Variants in HSD17B12 observed in about 807,000 individuals in gnomAD.
HSD17B12 encodes hydroxysteroid 17-beta dehydrogenase 12.
HSD17B12 carries 32 observed loss-of-function variants against 39.3 expected under a neutral mutation model. The observed-to-expected ratio is 0.81, with a 90% CI of 0.61 to 1.09. HSD17B12 has a LOEUF of 1.09. HSD17B12 is among the 50% of genes least tolerant of loss of function. HSD17B12 has a pLI of 0.00. For synonymous variants in HSD17B12, 150 were observed against 146.7 expected (o/e 1.02, Z -0.16); for missense variants, 342 against 382.9 (o/e 0.89, Z 0.89).
At chr11:43,781,121 T>G (rs141557227) in intron 3 of HSD17B12, among the ~76,000 whole-genome samples, 1 of 152,306 alleles carries the variant, frequency 6.6e-6, no homozygotes, top group African/African-American at 2.4e-5. Context: ...AAGGTCTTGG[T>G]GACCTATAAA....
intron 1 of HSD17B12, among the ~76,000 whole-genome samples, chr11:43,698,707 C>T (rs867938164): frequency 1.6e-4 from 24 of 152,262 alleles, no homozygotes; most frequent in Middle Eastern, 6.8e-3. Context: ...TCTTTGGAAG[C>T]GTGGTAGAAA....
the HSD17B12 span, among the ~76,000 whole-genome samples, chr11:43,600,093 T>C: frequency 6.6e-6 from 1 of 152,166 alleles, no homozygotes; most frequent in South Asian, 2.1e-4. Flanking sequence ...TCCCTCATTT[T>C]GATTTTTTAC....
the HSD17B12 span, among the ~76,000 whole-genome samples, chr11:43,578,578 C>T: frequency 6.6e-6 from 1 of 152,346 alleles, no homozygotes; most frequent in African/African-American, 2.4e-5. Flanking sequence ...GCCCACCCCG[C>T]GGCCTCCTCG....
the HSD17B12 span, among the ~76,000 whole-genome samples, chr11:43,583,243 C>T: frequency 1.3e-5 from 2 of 152,238 alleles, no homozygotes; most frequent in East Asian, 3.9e-4. Context: ...CCCTAGCCCC[C>T]TCACTTCTCC....
chr11:43,769,467 G>A (rs767486663), intron 3 of HSD17B12, among the ~76,000 whole-genome samples: 1 of 152,188 alleles, frequency 6.6e-6, no homozygotes, highest in Non-Finnish European at 1.5e-5. Context: ...GTCACCCAGT[G>A]CACAGTAAAG....
chr11:43,740,282 T>C (rs1950352472), intron 1 of HSD17B12, among the ~76,000 whole-genome samples: 1 of 152,134 alleles, frequency 6.6e-6, no homozygotes, highest in Non-Finnish European at 1.5e-5. Flanking sequence ...ATTGGGGTAG[T>C]AGTTGTGAGA....
chr11:43,723,288 T>C (rs896863339), intron 1 of HSD17B12, among the ~76,000 whole-genome samples: 3 of 152,206 alleles, frequency 2.0e-5, no homozygotes, highest in African/African-American at 7.2e-5. Flanking sequence ...GTAAATTCAC[T>C]TTTGCATTTT....
At chr11:43,787,359 C>T (rs1369895200) in intron 3 of HSD17B12, among the ~76,000 whole-genome samples, 1 of 152,096 alleles carries the variant, frequency 6.6e-6, no homozygotes, top group African/African-American at 2.4e-5. Context: ...TGAAGAGAGG[C>T]TGTTTTCTGT....
chr11:43,763,494 A>G (rs1045169102), intron 3 of HSD17B12, among the ~76,000 whole-genome samples: 11 of 151,684 alleles, frequency 7.3e-5, no homozygotes, highest in South Asian at 2.1e-4. Context: ...AGAGAAGACT[A>G]TATTCTCAAA....
chr11:43,720,791 C>G (rs1037967427), intron 1 of HSD17B12, among the ~76,000 whole-genome samples: 2 of 150,390 alleles, frequency 1.3e-5, no homozygotes, highest in South Asian at 2.1e-4. Context: ...CAAGTGGTAG[C>G]CTGTGTATGT....
At chr11:43,752,175 A>G (rs1422859225) in intron 2 of HSD17B12, among the ~76,000 whole-genome samples, 1 of 152,136 alleles carries the variant, frequency 6.6e-6, no homozygotes, top group African/African-American at 2.4e-5. Context: ...TTCTCATTAG[A>G]TTCAGGAAAA....
chr11:43,700,667 A>T (rs1949955876), intron 1 of HSD17B12, among the ~76,000 whole-genome samples: 1 of 152,144 alleles, frequency 6.6e-6, no homozygotes, highest in Non-Finnish European at 1.5e-5. Context: ...ACTGGAACTC[A>T]TTCTTTTTTA....
At chr11:43,732,753 T>C (rs371523039) in intron 1 of HSD17B12, among the ~76,000 whole-genome samples, 1 of 152,120 alleles carries the variant, frequency 6.6e-6, no homozygotes, top group African/African-American at 2.4e-5. Context: ...TGTGAGCCAC[T>C]GTGCCCAGTT....
intron 3 of HSD17B12, among the ~76,000 whole-genome samples, chr11:43,790,694 C>T (rs1289218323): frequency 6.6e-6 from 1 of 152,140 alleles, no homozygotes; most frequent in African/African-American, 2.4e-5. Context: ...CAATTTAAAA[C>T]TTATGAATTA....
At chr11:43,644,044 T>C in the HSD17B12 span, among the ~76,000 whole-genome samples, 5 of 152,142 alleles carry the variant, frequency 3.3e-5, no homozygotes, top group South Asian at 4.1e-4. Flanking sequence ...AGCGTAACTA[T>C]AGGTGTTTGA....
At chr11:43,696,479 C>G (rs1208255053) in intron 1 of HSD17B12, among the ~76,000 whole-genome samples, 1 of 152,200 alleles carries the variant, frequency 6.6e-6, no homozygotes, top group East Asian at 1.9e-4. Flanking sequence ...TCATCTCATG[C>G]CAGCCAGAAT....
chr11:43,696,173 T>C (rs1396990931), intron 1 of HSD17B12, among the ~76,000 whole-genome samples: 1 of 152,230 alleles, frequency 6.6e-6, no homozygotes, highest in Admixed American at 6.5e-5. Context: ...GCAAAGGACA[T>C]GATCTTGTTC....
At chr11:43,633,935 A>G in the HSD17B12 span, among the ~76,000 whole-genome samples, 6 of 151,602 alleles carry the variant, frequency 4.0e-5, no homozygotes, top group African/African-American at 1.5e-4. Context: ...TTACCCAGGC[A>G]TGGTGGCGCA....
intron 3 of HSD17B12, among the ~76,000 whole-genome samples, chr11:43,763,595 T>TAC (rs1035965083): frequency 6.9e-6 from 1 of 145,376 alleles, no homozygotes; most frequent in Non-Finnish European, 1.5e-5. Context: ...CTTATATATA[T>TAC]ATATATAAGG....
Sources: allele counts gnomAD v4.1 joint callset (sites outside exome capture counted in the v4.1 genomes callset), GRCh38; gene constraint gnomAD v4.1.1; transcripts MANE v1.5; gene names NCBI Gene and HGNC (gene_info 2026-07-23, HGNC 2026-07-21).